Variants in TRPC1 observed in about 807,000 individuals in gnomAD.
The protein encoded by TRPC1 is transient receptor potential cation channel subfamily C member 1, also known as short transient receptor potential channel 1.
In TRPC1, 42 loss-of-function variants were observed where a neutral mutation model predicts 88.2. The ratio of observed to expected loss-of-function variants is 0.48; its 90% CI spans 0.37 to 0.62. TRPC1 has a LOEUF of 0.62. Among genes scored for constraint, TRPC1 ranks in the 20% least tolerant of loss-of-function variants. The probability of loss-of-function intolerance (pLI) is 0.00; values close to 1 mark genes in which losing one functional copy is unlikely to be tolerated. For missense variants in TRPC1, 699 were observed against 957.3 expected, an observed-to-expected ratio of 0.73 and a Z score of 3.56; for synonymous variants, 288 against 331.8, an observed-to-expected ratio of 0.87 and a Z score of 1.43.
intron 1 of TRPC1, among the ~76,000 whole-genome samples, chr3:142,725,559 A>G (rs1473100043): frequency 3.9e-5 from 6 of 152,194 alleles, no homozygotes; most frequent in Non-Finnish European, 8.8e-5. Flanking sequence ...ATGTCACGCA[A>G]TCATCCTTTG....
intron 7 of TRPC1, among the ~76,000 whole-genome samples, chr3:142,785,767 G>C (rs964022783): frequency 6.6e-6 from 1 of 152,140 alleles, no homozygotes; most frequent in Non-Finnish European, 1.5e-5. Context: ...CCAAAGTGCT[G>C]GGATTATAGG....
Position 142,804,642 on chromosome 3 carries a change from G to C in TRPC1, c.2154+12G>C. On this transcript the variant is annotated intron_variant, in intron 12 of 12. Transcript: ENST00000476941. ...AAAACAGTTTAAAGGTAAGAAATTA[G>C]AAGCTTGAATGGCAACATAAAAGTT... 6.3e-7 allele frequency: 1 copy of C among 1,582,250 alleles called. No individual in the cohort carries two copies. The highest frequency in any genetic ancestry group is 2.3e-5 in the East Asian group (1 of 44,170).
In TRPC1 at chr3:142,724,320, A is replaced by AG. The variant is rs902642797; in HGVS notation, c.-236dup. ...TCGGCCGGGGCGCCGGCGGCTGGGGAGGGGTCGCTGGCCCCGGGGCCGCGC... is the reference window on the plus strand; with the variant it reads ...TCGGCCGGGGCGCCGGCGGCTGGGGAGGGGGTCGCTGGCCCCGGGGCCGCGC... On this transcript the variant is annotated 5_prime_UTR_variant, in exon 1 of 13. Transcript: ENST00000476941. This position sits in a 1 kb window ranked among gnomAD's most constrained non-coding sequence, Gnocchi z 5.6. The AG allele has an allele frequency of 3.9e-5, 11 of 284,476 alleles. No homozygotes were observed. The highest frequency in any genetic ancestry group is 8.9e-5 in the African/African-American group (4 of 44,912). 17.6% of individuals were successfully genotyped at this position (284,476 alleles called of 1,614,324 possible).
At chr3:142,746,749 A>G (rs9867016) in intron 3 of TRPC1, among the ~76,000 whole-genome samples, 1,701 of 152,154 alleles carry the variant, frequency 0.011, 33 homozygotes, top group African/African-American at 0.038. Flanking sequence ...GACTTTAACA[A>G]TATGTTTCAA....
intron 6 of TRPC1, among the ~76,000 whole-genome samples, chr3:142,783,927 T>A (rs2108123960): frequency 6.6e-6 from 1 of 152,266 alleles, no homozygotes; most frequent in South Asian, 2.1e-4. Context: ...CCTATGAAAT[T>A]TGTCAACTAA....
At position 142,770,823 on chromosome 3, in the gene TRPC1, CTGTT is replaced by C. The variant is rs1402627921; in HGVS notation, c.633-6806_633-6803del. Among the ~76,000 whole-genome samples the C allele has an allele frequency of 3.9e-5, 6 of 152,238 alleles. No homozygotes were observed. In the South Asian group the frequency reaches 1.0e-3, roughly 26 times the overall value. ...ATATTTTCTAATATGATTTATAAGA[CTGTT>C]TGCATTGTTAGAATACCTGAGGCTA... is the stretch of plus-strand genomic sequence containing the variant. On this transcript the variant is annotated intron_variant, in intron 4 of 12. Coordinates refer to ENST00000476941, the MANE Select transcript of TRPC1 (RefSeq NM_001251845.2).
chr3:142,749,310 T>C (rs1934669042), intron 4 of TRPC1, among the ~76,000 whole-genome samples: 1 of 152,204 alleles, frequency 6.6e-6, no homozygotes, highest in African/African-American at 2.4e-5. Context: ...TACATAATAC[T>C]TGATAATAAT....
intron 4 of TRPC1, 126 bp downstream of exon 4, chr3:142,748,586 A>G: frequency 1.1e-6 from 1 of 891,606 alleles, no homozygotes; most frequent in South Asian, 1.7e-5. Context: ...TGAAAGCCAA[A>G]CTTGTAGCTC....
intron 10 of TRPC1, among the ~76,000 whole-genome samples, chr3:142,803,001 AT>A (rs1197542344): frequency 6.6e-6 from 1 of 152,216 alleles, no homozygotes; most frequent in African/African-American, 2.4e-5. Context: ...CACTTACTAT[AT>A]ACCAGCCAAT....
At chr3:142,752,214 C>A (rs1401247862) in intron 4 of TRPC1, among the ~76,000 whole-genome samples, 1 of 152,180 alleles carries the variant, frequency 6.6e-6, no homozygotes, top group African/African-American at 2.4e-5. Flanking sequence ...TCTGAGTTCC[C>A]TCAGTTTTTA....
rs2108091657 is a variant in TRPC1, at chr3:142,769,339, ATCTTTCT to A, written c.633-8285_633-8279del. 2.0e-5 allele frequency among the ~76,000 whole-genome samples: 3 copies of A among 151,948 alleles called. No individual in the cohort carries two copies. In the South Asian group the frequency reaches 6.2e-4, roughly 32 times the overall value. On this transcript the variant is annotated intron_variant, in intron 4 of 12. Coordinates refer to ENST00000476941, the MANE Select transcript of TRPC1 (RefSeq NM_001251845.2). Reference sequence around the variant, plus strand: ...TAGAAAGTCATGTTACTGATTTGAGATCTTTCTTCTTTCTATTTTTAAAACATTTTTA... The same window carrying A: ...TAGAAAGTCATGTTACTGATTTGAGATCTTTCTATTTTTAAAACATTTTTA...
rs1936277087 is a variant in TRPC1 at position 142,790,956 on chromosome 3, T to A, written c.1298-63T>A. ...TTATTTAATATTTTGAGTCTTAAAG[T>A]ATTATTTAGTTTATTTATTGAATTA... On this transcript the variant is annotated intron_variant, in intron 7 of 12. Transcript: ENST00000476941. 1.4e-5 allele frequency: 18 copies of A among 1,309,328 alleles called. 1 individual carries two copies. In the South Asian group the frequency reaches 3.4e-4, roughly 25 times the overall value. 81.1% of individuals were successfully genotyped at this position (1,309,328 alleles called of 1,614,324 possible). A position where few individuals can be genotyped will look rare whatever the true frequency, so the allele number is the denominator to read the frequency against.
At chr3:142,733,878 C>T (rs1157475851) in intron 1 of TRPC1, among the ~76,000 whole-genome samples, 1 of 152,162 alleles carries the variant, frequency 6.6e-6, no homozygotes. Context: ...ACTATGGCTG[C>T]TCCATGGGTG....
rs559286176 is a variant in TRPC1, at chr3:142,767,595, A to G, written c.633-10037A>G. 6.7e-6 allele frequency among the ~76,000 whole-genome samples: 1 copy of G among 148,186 alleles called. No individual in the cohort carries two copies. The highest frequency in any genetic ancestry group is 6.8e-5 in the Admixed American group (1 of 14,804). ...CTTTATATATAAATATATTATATATAAATAAATTATATATCTTTATATATC... is the reference window on the plus strand; with the variant it reads ...CTTTATATATAAATATATTATATATGAATAAATTATATATCTTTATATATC... On this transcript the variant is annotated intron_variant, in intron 4 of 12. Coordinates refer to ENST00000476941, the MANE Select transcript of TRPC1 (RefSeq NM_001251845.2). The surrounding 1 kb of genome is among the most constrained non-coding windows in gnomAD (Gnocchi z 5.1).
rs980821429 is a variant in TRPC1, at chr3:142,767,537, A to T, written c.633-10095A>T. Reference sequence around the variant, plus strand: ...TAATTCTGTTGTGGTTAGAGATTATACTTTATTTTTAATGATATCTTTGTT... The same window carrying T: ...TAATTCTGTTGTGGTTAGAGATTATTCTTTATTTTTAATGATATCTTTGTT... On this transcript the variant is annotated intron_variant, in intron 4 of 12. Transcript: ENST00000476941. The surrounding 1 kb of genome is among the most constrained non-coding windows in gnomAD (Gnocchi z 5.1). 4.7e-5 allele frequency among the ~76,000 whole-genome samples: 7 copies of T among 149,188 alleles called. No individual in the cohort carries two copies. Among genetic ancestry groups the T allele is most frequent in the Non-Finnish European group, 1.0e-4 (7 of 67,346 alleles).
intron 9 of TRPC1, among the ~76,000 whole-genome samples, chr3:142,795,993 A>G (rs188362881): frequency 1.8e-3 from 275 of 152,264 alleles, no homozygotes; most frequent in African/African-American, 5.7e-3. Context: ...AATAATAGTA[A>G]TAACAGCAGA....
chr3:142,786,954 C>T (rs544443664), intron 7 of TRPC1, among the ~76,000 whole-genome samples: 1 of 152,240 alleles, frequency 6.6e-6, no homozygotes, highest in Non-Finnish European at 1.5e-5. Context: ...AATAGTCATA[C>T]CACTCTTTGA....
Position 142,735,836 on chromosome 3 carries a change from C to T in TRPC1, c.173-543C>T, listed in dbSNP as rs114449268. Among the ~76,000 whole-genome samples the T allele has an allele frequency of 2.0e-3, 311 of 152,060 alleles. 3 individuals are homozygous for T. Among genetic ancestry groups the T allele is most frequent in the African/African-American group, 7.2e-3 (299 of 41,474 alleles). ...GGGAAGAGGATTTTCAGACATCTTT[C>T]CCTTTACTATACATATCCTTGAATA... is the stretch of plus-strand genomic sequence containing the variant. On this transcript the variant is annotated intron_variant, in intron 1 of 12. Coordinates refer to ENST00000476941, the MANE Select transcript of TRPC1 (RefSeq NM_001251845.2).
Position 142,806,054 on chromosome 3 carries a change from T to G in TRPC1, c.2201T>G (p.Val734Gly). The change falls in exon 13 of 13, where the codon GTG becomes GGG. Residue 734 changes from valine to glycine, a missense_variant. Val to Gly is a moderately radical substitution (Grantham distance 109). Coordinates refer to ENST00000476941, the MANE Select transcript of TRPC1 (RefSeq NM_001251845.2). ...AAGAGAGATGAAAACTATCAAAAAG[T>G]GATGTGCTGCCTAGTGCATCGTTAC... ...KQKRDENYQK[V>G]MCCLVHRYLT... 6.2e-7 allele frequency: 1 copy of G among 1,613,808 alleles called. No homozygotes were observed. The highest frequency in any genetic ancestry group is 8.5e-7 in the Non-Finnish European group (1 of 1,179,818).
Sources: gnomAD v4.1 joint callset for allele counts (sites outside exome capture counted in the v4.1 genomes callset) on GRCh38, gnomAD v4.1.1 for gene constraint, Gnocchi (gnomAD v3.1) non-coding constraint, MANE v1.5 for transcripts, NCBI Gene and HGNC (gene_info 2026-07-23, HGNC 2026-07-21) for gene names.